CX3CR1: variants seen among roughly 807,000 people sequenced by gnomAD.
CX3CR1 encodes the protein C-X3-C motif chemokine receptor 1.
For synonymous variants in CX3CR1, 168 were observed against 178.5 expected (o/e 0.94, Z 0.47); for missense variants, 363 against 432.4 (o/e 0.84, Z 1.42).
At chr3:39,280,284 G>C, upstream of CX3CR1, 3 of 985,654 alleles carry the variant, frequency 3.0e-6, no homozygotes, top group Non-Finnish European at 3.6e-6. Flanking sequence ...AGCAGGCCCT[G>C]CAGTCAGCAA....
At chr3:39,282,141 C>T (rs1269968973), upstream of CX3CR1, among the ~76,000 whole-genome samples, 1 of 152,178 alleles carries the variant, frequency 6.6e-6, no homozygotes, top group East Asian at 1.9e-4. Context: ...GCAAACTCAA[C>T]CCTGCAAGAT....
At chr3:39,291,534 G>A in the CX3CR1 span, among the ~76,000 whole-genome samples, 2 of 152,190 alleles carry the variant, frequency 1.3e-5, no homozygotes, top group South Asian at 2.1e-4. Context: ...TTGTTCTTGG[G>A]ATTTTGTGTT....
chr3:39,284,089 C>G (rs868145384), upstream of CX3CR1, among the ~76,000 whole-genome samples: 1 of 151,550 alleles, frequency 6.6e-6, no homozygotes, highest in African/African-American at 2.4e-5. Context: ...TATACACACG[C>G]TATGTACCCC....
chr3:39,291,117 C>T, the CX3CR1 span, among the ~76,000 whole-genome samples: 6 of 150,782 alleles, frequency 4.0e-5, no homozygotes, highest in African/African-American at 1.2e-4. Flanking sequence ...AGTGCAATAG[C>T]GCAATCTCAG....
At chr3:39,286,440 G>A (rs185224807), upstream of CX3CR1, 13 of 151,842 alleles carry the variant, frequency 8.6e-5, 1 homozygote, top group East Asian at 2.5e-3. Context: ...CATGAGGTCA[G>A]GAGATCGAGA....
upstream of CX3CR1, chr3:39,280,095 C>T (rs1472839238): frequency 7.2e-6 from 7 of 975,708 alleles, no homozygotes; most frequent in Non-Finnish European, 8.5e-6. Context: ...ATCTTGTTTC[C>T]TGTAAGGGAG....
chr3:39,274,865 C>CTT (rs879447205), intron 1 of CX3CR1, among the ~76,000 whole-genome samples: 2 of 145,482 alleles, frequency 1.4e-5, no homozygotes, highest in Non-Finnish European at 1.5e-5. Flanking sequence ...CTTTAGAAAA[C>CTT]TTTTTTTTTT....
At chr3:39,273,158 T>C (rs2040799511) in intron 1 of CX3CR1, among the ~76,000 whole-genome samples, 1 of 152,234 alleles carries the variant, frequency 6.6e-6, no homozygotes, top group Admixed American at 6.5e-5. Flanking sequence ...GAACTGAAAA[T>C]AGTAGACCCA....
the CX3CR1 span, among the ~76,000 whole-genome samples, chr3:39,289,013 G>A: frequency 6.6e-6 from 1 of 152,102 alleles, no homozygotes; most frequent in Non-Finnish European, 1.5e-5. Flanking sequence ...AATTAGCCAG[G>A]CATGGTGGCG....
At chr3:39,287,535 C>T in the CX3CR1 span, 1 of 152,180 alleles carries the variant, frequency 6.6e-6, no homozygotes, top group Non-Finnish European at 1.5e-5. Flanking sequence ...GTTTCTGACA[C>T]TCTGCTTGGT....
chr3:39,283,849 T>C (rs530177250), upstream of CX3CR1, among the ~76,000 whole-genome samples: 280 of 106,350 alleles, frequency 2.6e-3, no homozygotes, highest in African/African-American at 8.2e-3. Flanking sequence ...ATAATGTGGT[T>C]AATAGGCACA....
rs200139865 is a variant in CX3CR1 at position 39,266,431 on chromosome 3, C to T, written c.79G>A (p.Val27Met). ...LAEACYIGDI[V>M]VFGTVFLSIF... ...GACAGGAACACAGTCCCAAAGACCACGATGTCCCCAATATAACAGGCCTCA... is the reference window on the plus strand; with the variant it reads ...GACAGGAACACAGTCCCAAAGACCATGATGTCCCCAATATAACAGGCCTCA... Residue 27 changes from valine (V) to methionine (M), a missense_variant, in exon 2 of 2, where the codon GTG (valine) becomes ATG (methionine). Transcript: ENST00000399220. The T allele has an allele frequency of 8.1e-6, 13 of 1,614,084 alleles. No individual in the cohort carries two copies. In the Admixed American group the frequency reaches 8.3e-5, roughly 10 times the overall value.
chr3:39,287,412 T>G, the CX3CR1 span: 3 of 152,186 alleles, frequency 2.0e-5, no homozygotes, highest in African/African-American at 7.2e-5. Context: ...GAGTGTTTGG[T>G]GTCCAGCAAG....
chr3:39,266,570 T>G, intron 1 of CX3CR1, 52 bp from the exon 2 acceptor site: 1 of 1,592,430 alleles, frequency 6.3e-7, no homozygotes, highest in Non-Finnish European at 8.6e-7. Flanking sequence ...AGAAACAAAG[T>G]TGGAATTCTG....
intron 1 of CX3CR1, among the ~76,000 whole-genome samples, chr3:39,277,687 G>A (rs55801083): frequency 0.02 from 3,090 of 152,268 alleles, 103 homozygotes; most frequent in African/African-American, 0.069. Context: ...CTGTGCCATA[G>A]CTGCCTAGGG....
chr3:39,282,081 G>C (rs142501499), upstream of CX3CR1, among the ~76,000 whole-genome samples: 4 of 152,324 alleles, frequency 2.6e-5, no homozygotes, highest in African/African-American at 9.6e-5. Flanking sequence ...AAGCAAGTCG[G>C]TTATTTGGCC....
At chr3:39,272,741 T>G (rs2125553292) in intron 1 of CX3CR1, among the ~76,000 whole-genome samples, 1 of 152,342 alleles carries the variant, frequency 6.6e-6, no homozygotes, top group Non-Finnish European at 1.5e-5. Flanking sequence ...AATTTTTTTC[T>G]TTGTACCAAA....
the CX3CR1 span, among the ~76,000 whole-genome samples, chr3:39,290,859 T>C: frequency 4.6e-5 from 7 of 151,528 alleles, no homozygotes; most frequent in Non-Finnish European, 8.8e-5. Flanking sequence ...AGGCGGAGGT[T>C]GCAGTGAGCT....
At chr3:39,275,957 G>A (rs1042808893) in intron 1 of CX3CR1, among the ~76,000 whole-genome samples, 1 of 150,984 alleles carries the variant, frequency 6.6e-6, no homozygotes, top group Non-Finnish European at 1.5e-5. Flanking sequence ...TTGAGCTGAT[G>A]TTTTAAGGAT....
Sources: gnomAD v4.1 joint callset for allele counts (sites outside exome capture counted in the v4.1 genomes callset) on GRCh38, gnomAD v4.1.1 for gene constraint, MANE v1.5 for transcripts, NCBI Gene and HGNC (gene_info 2026-07-23, HGNC 2026-07-21) for gene names.